Variants in ABCA4 observed in about 807,000 individuals in gnomAD.
The protein encoded by ABCA4 is ATP binding cassette subfamily A member 4, also known as retinal-specific phospholipid-transporting ATPase ABCA4.
In ABCA4, 196 loss-of-function variants were observed where a neutral mutation model predicts 263.7. The ratio of observed to expected loss-of-function variants is 0.74; its 90% CI spans 0.66 to 0.84. The LOEUF (loss-of-function observed/expected upper bound fraction) is 0.84. Ranked by LOEUF, ABCA4 falls within the 40% of genes least tolerant of loss-of-function variation. The pLI is 0.00. For synonymous variants in ABCA4, 1,133 were observed against 1,094.2 expected, an observed-to-expected ratio of 1.04 and a Z score of -0.70; for missense variants, 2,792 against 2,855.1, an observed-to-expected ratio of 0.98 and a Z score of 0.50.
chr1:94,023,713 C>A (rs1315834249), intron 31 of ABCA4, among the ~76,000 whole-genome samples: 1 of 152,184 alleles, frequency 6.6e-6, no homozygotes, highest in Non-Finnish European at 1.5e-5. Flanking sequence ...CTGATCTGGA[C>A]CCAGAACACA....
At chr1:94,006,826 A>G (rs867191216) in intron 43 of ABCA4, among the ~76,000 whole-genome samples, 6 of 152,194 alleles carry the variant, frequency 3.9e-5, no homozygotes, top group South Asian at 2.1e-4. Flanking sequence ...TGTCAGCAGC[A>G]CCTAACTCCA....
At chr1:94,027,264 A>G (rs1408182194) in intron 30 of ABCA4, among the ~76,000 whole-genome samples, 1 of 152,164 alleles carries the variant, frequency 6.6e-6, no homozygotes, top group African/African-American at 2.4e-5. Context: ...GACCAACACT[A>G]CTGAAAATAA....
In ABCA4 at chr1:94,055,223, C is replaced by T; in HGVS notation, c.2475G>A (p.Gly825=). The T allele has an allele frequency of 6.2e-7, 1 of 1,614,126 alleles. No homozygotes were observed. The highest frequency in any genetic ancestry group is 1.1e-5 in the South Asian group (1 of 91,052). ...QGLGLQWSNI[G]NSPTEGDEFS... is the part of the protein sequence containing the mutation. ...ATTCGTCCCCTTCCGTGGGACTGTTCCCGATGTTGCTCCACTGCAGCCCCA... is the reference window on the plus strand; with the variant it reads ...ATTCGTCCCCTTCCGTGGGACTGTTTCCGATGTTGCTCCACTGCAGCCCCA... The change falls in exon 16 of 50, where the codon GGG becomes GGA. Residue 825 remains glycine, a synonymous_variant. Coordinates refer to ENST00000370225, the MANE Select transcript of ABCA4 (RefSeq NM_000350.3).
At chr1:93,996,646 T>C (rs1659011193) in intron 48 of ABCA4, among the ~76,000 whole-genome samples, 1 of 152,186 alleles carries the variant, frequency 6.6e-6, no homozygotes, top group African/African-American at 2.4e-5. Context: ...ACTTCCCTGT[T>C]TCCACTGCTT....
intron 16 of ABCA4, among the ~76,000 whole-genome samples, chr1:94,054,655 T>C (rs1660923362): frequency 6.6e-6 from 1 of 151,844 alleles, no homozygotes. Flanking sequence ...CAGAGGAACA[T>C]GGAGGAGTAG....
Position 94,056,638 on chromosome 1 carries a change from C to T in ABCA4, c.2345G>A (p.Trp782Ter), listed in dbSNP as rs911580078. Residue 782 changes from tryptophan to a stop codon, truncating the protein, a stop_gained, in exon 15 of 50, where the codon TGG (tryptophan) becomes TAG (stop). Coordinates refer to ENST00000370225, the MANE Select transcript of ABCA4 (RefSeq NM_000350.3). LOFTEE classifies it high-confidence loss of function. ...CAGCTCAGCGGTCATGCGGTCCTGC[C>T]AGGCGAAGCACAGGATGTGTGGCAG... ...LYLPHILCFAWQDRMTAELKK... is the reference protein window; with the variant it reads ...LYLPHILCFA 1.2e-6 allele frequency: 2 copies of T among 1,613,608 alleles called. No individual in the cohort carries two copies. The highest frequency in any genetic ancestry group is 2.7e-5 in the African/African-American group (2 of 74,900).
In ABCA4 at chr1:94,037,236, C is replaced by A. The variant is rs777892957; in HGVS notation, c.3722G>T (p.Arg1241Ile). ...CTCTCTGAAAAGGCTGGCATATGCT[C>A]TGTGCTTGAAGTTCTTATTTGGAAG... ...FLLPNKNFKH[R>I]AYASLFRELE... The change falls in exon 25 of 50, where the codon AGA becomes ATA. Residue 1241 changes from arginine (R) to isoleucine (I), a missense_variant. By Grantham distance (97) the Arg-to-Ile change is moderately conservative. Transcript: ENST00000370225. The A allele has an allele frequency of 6.2e-7, 1 of 1,614,106 alleles. No individual in the cohort carries two copies. The highest frequency in any genetic ancestry group is 1.1e-5 in the South Asian group (1 of 91,084).
intron 6 of ABCA4, among the ~76,000 whole-genome samples, chr1:94,096,795 A>G (rs1433458093): frequency 1.3e-5 from 2 of 152,244 alleles, no homozygotes; most frequent in Admixed American, 1.3e-4. Flanking sequence ...CTGGTGGCCA[A>G]GGTGCTTCAA....
intron 4 of ABCA4, among the ~76,000 whole-genome samples, chr1:94,107,327 T>C (rs1448572046): frequency 1.3e-5 from 2 of 152,116 alleles, no homozygotes; most frequent in East Asian, 3.9e-4. Flanking sequence ...GAGGGCACGC[T>C]CCACACCCAA....
chr1:94,060,711 T>C lies in ABCA4; in HGVS notation c.1986A>G (p.Ala662=), dbSNP rs564272715. ...CAGTCATGGAGACAGAGTAGATCCA[T>C]GCCAGCACCATGAAGATAGGGAAAC... ...NRCFPIFMVL[A]WIYSVSMTVK... Residue 662 remains alanine, a synonymous_variant, in exon 14 of 50, where the codon GCA becomes GCG. Transcript: ENST00000370225. 29 of 1,613,908 alleles carry C rather than the reference T, an allele frequency of 1.8e-5. No individual in the cohort carries two copies. In the Admixed American group the frequency reaches 4.2e-4, roughly 23 times the overall value.
At position 94,025,134 on chromosome 1, in the gene ABCA4, A is replaced by G. The variant is rs1660004278; in HGVS notation, c.4540-86T>C. 4.6e-6 allele frequency: 5 copies of G among 1,086,940 alleles called. No individual in the cohort carries two copies. The East Asian group carries it at 1.2e-4, about 26-fold the overall frequency. The allele number at this position is 1,086,940 out of a possible 1,614,324, so 67.3% of individuals were successfully genotyped here. A position where few individuals can be genotyped will look rare whatever the true frequency, so the allele number is the denominator to read the frequency against. On this transcript the variant is annotated intron_variant, in intron 30 of 49. Transcript: ENST00000370225. Reference sequence around the variant, plus strand: ...TGAAACTGCTTGTTGTCTTCCAAAAATTATTTATGGATTGAGCTGCTGAGA... The same window carrying G: ...TGAAACTGCTTGTTGTCTTCCAAAAGTTATTTATGGATTGAGCTGCTGAGA...
intron 24 of ABCA4, among the ~76,000 whole-genome samples, chr1:94,039,404 G>A (rs1660427624): frequency 1.3e-5 from 2 of 152,180 alleles, no homozygotes; most frequent in African/African-American, 4.8e-5. Context: ...TCATTAACCT[G>A]CATCAGTACG....
intron 36 of ABCA4, among the ~76,000 whole-genome samples, chr1:94,016,815 A>G (rs946620093): frequency 1.3e-5 from 2 of 152,158 alleles, no homozygotes; most frequent in Non-Finnish European, 2.9e-5. Flanking sequence ...GGCAATGAAC[A>G]TATCTAGCAC....
intron 13 of ABCA4, chr1:94,061,418 C>A (rs557924722): frequency 6.5e-6 from 1 of 155,000 alleles, no homozygotes; most frequent in African/African-American, 2.4e-5. Flanking sequence ...ACTGGAACGA[C>A]TTTCTTGTGA....
chr1:94,111,546 C>T lies in ABCA4; in HGVS notation c.194G>A (p.Gly65Glu), dbSNP rs62654395. 3.1e-6 allele frequency: 5 copies of T among 1,614,250 alleles called. No individual in the cohort carries two copies. The highest frequency in any genetic ancestry group is 4.2e-6 in the Non-Finnish European group (5 of 1,180,034). ...GATCCCCTGGAGCCACGGCAGCATT[C>T]CTGCTGAGGGCATCGCCTTGTTGGG... The part of the protein sequence containing the change: ...HFPNKAMPSA[G>E]MLPWLQGIFC... The change falls in exon 3 of 50, where the codon GGA becomes GAA. Residue 65 changes from glycine (G) to glutamate (E), a missense_variant. By Grantham distance (98) the Gly-to-Glu change is moderately conservative. Coordinates refer to ENST00000370225, the MANE Select transcript of ABCA4 (RefSeq NM_000350.3).
intron 6 of ABCA4, among the ~76,000 whole-genome samples, chr1:94,083,969 A>T (rs1207609138): frequency 5.9e-5 from 9 of 152,218 alleles, no homozygotes. Flanking sequence ...TTTATTTTAA[A>T]GCAGCTGCTG....
chr1:94,089,872 A>G (rs1661925438), intron 6 of ABCA4, among the ~76,000 whole-genome samples: 1 of 152,254 alleles, frequency 6.6e-6, no homozygotes, highest in Non-Finnish European at 1.5e-5. Context: ...AACTATACAT[A>G]CATTTTCAAA....
chr1:94,108,706 C>A lies in ABCA4; in HGVS notation c.313G>T (p.Val105Leu). Reference protein sequence around the residue: ...SNYNNSILARVYRDFQELLMN... With the variant: ...SNYNNSILARLYRDFQELLMN... ...AGGAGTTCTTGAAAATCTCGATATA[C>A]CCTTGCCAAGCTGTAAGGACAAAGC... Residue 105 changes from valine (V) to leucine (L), a missense_variant, in exon 4 of 50, where the codon GTA becomes TTA. Physicochemically the swap from Val to Leu is conservative, Grantham distance 32. Coordinates refer to ENST00000370225, the MANE Select transcript of ABCA4 (RefSeq NM_000350.3). 6.2e-7 allele frequency: 1 copy of A among 1,613,922 alleles called. No individual in the cohort carries two copies. The highest frequency in any genetic ancestry group is 8.5e-7 in the Non-Finnish European group (1 of 1,180,008).
chr1:94,035,692 C>T (rs973858755), intron 26 of ABCA4, among the ~76,000 whole-genome samples: 11 of 152,186 alleles, frequency 7.2e-5, no homozygotes, highest in Admixed American at 4.6e-4. Context: ...AAAGGAGAAT[C>T]GCTGCAAAGC....
Sources: allele counts gnomAD v4.1 joint callset (sites outside exome capture counted in the v4.1 genomes callset), GRCh38; gene constraint gnomAD v4.1.1; transcripts MANE v1.5; gene names NCBI Gene and HGNC (gene_info 2026-07-23, HGNC 2026-07-21).